VGLL3: variants seen among roughly 807,000 people sequenced by gnomAD.
VGLL3 encodes the protein vestigial like family member 3, also known as transcription cofactor vestigial-like protein 3.
Under a neutral mutation model 29.2 loss-of-function variants are expected in VGLL3, and 18 were observed. The observed-to-expected ratio is 0.62, with a 90% CI of 0.43 to 0.91. VGLL3 has a LOEUF of 0.91. Ranked by LOEUF, VGLL3 falls within the 40% of genes least tolerant of loss-of-function variation. The pLI is 0.00. For missense variants in VGLL3, 440 were observed against 413.2 expected, an observed-to-expected ratio of 1.06 and a Z score of -0.56; for synonymous variants, 180 against 151.8, an observed-to-expected ratio of 1.19 and a Z score of -1.36.
intron 3 of VGLL3, 108 bp downstream of exon 3, chr3:86,968,482 G>T: frequency 7.9e-7 from 1 of 1,258,714 alleles, no homozygotes; most frequent in Non-Finnish European, 1.1e-6. Flanking sequence ...TAAACATGTT[G>T]GTAAAGTTTA....
At position 86,946,625 on chromosome 3, in the gene VGLL3, A is replaced by G. The variant is rs1384866510; in HGVS notation, c.*399T>C. On this transcript the variant is annotated 3_prime_UTR_variant, in exon 4 of 4. Transcript: ENST00000398399. ...AAACCAAACTTTTTGTATTTCTACA[A>G]AAATAGATGCACATAGAGCTACAAA... 2 of 156,468 alleles carry G rather than the reference A, an allele frequency of 1.3e-5. No homozygotes were observed. The highest frequency in any genetic ancestry group is 2.4e-5 in the African/African-American group (1 of 41,668). The allele number at this position is 156,468 out of a possible 1,614,324, so 9.7% of individuals were successfully genotyped here.
chr3:86,980,039 T>G (rs558200334), intron 1 of VGLL3, among the ~76,000 whole-genome samples: 8 of 152,230 alleles, frequency 5.3e-5, no homozygotes, highest in Non-Finnish European at 1.2e-4. Flanking sequence ...AAGGAGATAA[T>G]GCTAAAGATA....
At chr3:86,976,204 T>C (rs557691671) in intron 2 of VGLL3, among the ~76,000 whole-genome samples, 3 of 152,212 alleles carry the variant, frequency 2.0e-5, no homozygotes, top group Non-Finnish European at 4.4e-5. Context: ...TCATTGAATA[T>C]TCTAAGCTCA....
Position 86,945,467 on chromosome 3 carries a change from A to C in VGLL3, c.*1557T>G, listed in dbSNP as rs1409754847. 2 of 152,110 alleles carry C rather than the reference A, an allele frequency of 1.3e-5. No homozygotes were observed. The highest frequency in any genetic ancestry group is 1.3e-4 in the Admixed American group (2 of 15,266). 9.4% of individuals were successfully genotyped at this position (152,110 alleles called of 1,614,324 possible). Reference sequence around the variant, plus strand: ...AAAAACCTCTTTATAAAGCTAAAAAACTTCTCTAATACACTAACTTTTTTA... The same window carrying C: ...AAAAACCTCTTTATAAAGCTAAAAACCTTCTCTAATACACTAACTTTTTTA... On this transcript the variant is annotated 3_prime_UTR_variant, in exon 4 of 4. Coordinates refer to ENST00000398399, the MANE Select transcript of VGLL3 (RefSeq NM_016206.4).
Position 86,939,350 on chromosome 3 carries a change from G to C in VGLL3, c.*7674C>G, listed in dbSNP as rs779982507. ...AGATGTAATTAAGAACCTTGAGCAT[G>C]GCGCAATGGCTTATGCCTGTAATCC... On this transcript the variant is annotated 3_prime_UTR_variant, in exon 4 of 4. Coordinates refer to ENST00000398399, the MANE Select transcript of VGLL3 (RefSeq NM_016206.4). 2.0e-5 allele frequency: 3 copies of C among 152,236 alleles called. No homozygotes were observed. Among genetic ancestry groups the C allele is most frequent in the Non-Finnish European group, 4.4e-5 (3 of 68,068 alleles). 9.4% of individuals were successfully genotyped at this position (152,236 alleles called of 1,614,324 possible).
intron 3 of VGLL3, among the ~76,000 whole-genome samples, chr3:86,964,039 C>G (rs1704910766): frequency 6.6e-6 from 1 of 152,180 alleles, no homozygotes; most frequent in Non-Finnish European, 1.5e-5. Flanking sequence ...AATTCAGCAT[C>G]ACCTGTTTAT....
intron 3 of VGLL3, among the ~76,000 whole-genome samples, chr3:86,947,317 T>G (rs1216495248): frequency 6.6e-6 from 1 of 152,196 alleles, no homozygotes; most frequent in Non-Finnish European, 1.5e-5. Flanking sequence ...ATACAAATTA[T>G]TTGCTATATT....
chr3:86,957,854 A>G (rs1276586942), intron 3 of VGLL3, among the ~76,000 whole-genome samples: 1 of 152,140 alleles, frequency 6.6e-6, no homozygotes, highest in Non-Finnish European at 1.5e-5. Context: ...AAATATGTAC[A>G]TAAATAAACA....
At chr3:86,974,512 A>C (rs1384978874) in intron 2 of VGLL3, among the ~76,000 whole-genome samples, 2 of 152,238 alleles carry the variant, frequency 1.3e-5, no homozygotes, top group Non-Finnish European at 2.9e-5. Flanking sequence ...CATTGTGCCA[A>C]GTAAAATACA....
intron 3 of VGLL3, among the ~76,000 whole-genome samples, chr3:86,963,727 A>G (rs1330746262): frequency 6.6e-6 from 1 of 152,214 alleles, no homozygotes; most frequent in Non-Finnish European, 1.5e-5. Context: ...TTTAATCTCA[A>G]AACAATCCTA....
At chr3:86,967,311 G>A (rs1417135365) in intron 3 of VGLL3, among the ~76,000 whole-genome samples, 2 of 152,122 alleles carry the variant, frequency 1.3e-5, no homozygotes, top group Non-Finnish European at 2.9e-5. Flanking sequence ...TATTTTGTTA[G>A]TATGTGGCAA....
At chr3:86,968,071 G>A (rs1055964309) in intron 3 of VGLL3, among the ~76,000 whole-genome samples, 3 of 152,114 alleles carry the variant, frequency 2.0e-5, no homozygotes, top group Admixed American at 6.6e-5. Flanking sequence ...CAGAGGAGGG[G>A]AGAGGAGGAA....
rs1038682100 is a variant in VGLL3 at position 86,945,546 on chromosome 3, C to T, written c.*1478G>A. ...AGAAATGAACTTTGCCTTTGAAGTC[C>T]AGCAGTATCAATAACTGTTACTTTC... On this transcript the variant is annotated 3_prime_UTR_variant, in exon 4 of 4. Coordinates refer to ENST00000398399, the MANE Select transcript of VGLL3 (RefSeq NM_016206.4). 4 of 152,108 alleles carry T rather than the reference C, an allele frequency of 2.6e-5. No individual in the cohort carries two copies. Among genetic ancestry groups the T allele is most frequent in the Non-Finnish European group, 5.9e-5 (4 of 67,994 alleles). 9.4% of individuals were successfully genotyped at this position (152,108 alleles called of 1,614,324 possible). A position where few individuals can be genotyped will look rare whatever the true frequency, so the allele number is the denominator to read the frequency against.
chr3:86,980,896 G>C (rs1459632478), intron 1 of VGLL3, among the ~76,000 whole-genome samples: 1 of 151,362 alleles, frequency 6.6e-6, no homozygotes, highest in Non-Finnish European at 1.5e-5. Flanking sequence ...TTGTCCACAA[G>C]TGTTCATTCT....
chr3:86,955,501 T>C (rs1163331642), intron 3 of VGLL3, among the ~76,000 whole-genome samples: 2 of 151,592 alleles, frequency 1.3e-5, no homozygotes, highest in African/African-American at 4.8e-5. Flanking sequence ...GCGATTCTCA[T>C]GCCTCAGCCT....
rs1475638550 is a variant in VGLL3, at chr3:86,940,523, A to G, written c.*6501T>C. 1.3e-5 allele frequency: 2 copies of G among 152,552 alleles called. No individual in the cohort carries two copies. The highest frequency in any genetic ancestry group is 2.9e-5 in the Non-Finnish European group (2 of 67,980). 9.4% of individuals were successfully genotyped at this position (152,552 alleles called of 1,614,324 possible). On this transcript the variant is annotated 3_prime_UTR_variant, in exon 4 of 4. Coordinates refer to ENST00000398399, the MANE Select transcript of VGLL3 (RefSeq NM_016206.4). ...AATTAATAACACCTAAGATGTTGTA[A>G]TTTCCAAAATATTTATAAGATGCTT... is the stretch of plus-strand genomic sequence containing the variant.
At chr3:86,976,320 A>G (rs1705210672) in intron 2 of VGLL3, among the ~76,000 whole-genome samples, 1 of 152,140 alleles carries the variant, frequency 6.6e-6, no homozygotes, top group African/African-American at 2.4e-5. Context: ...ATCTGCTCAA[A>G]CATAACTGTG....
At position 86,946,076 on chromosome 3, in the gene VGLL3, A is replaced by G. The variant is rs1004067018; in HGVS notation, c.*948T>C. On this transcript the variant is annotated 3_prime_UTR_variant, in exon 4 of 4. Coordinates refer to ENST00000398399, the MANE Select transcript of VGLL3 (RefSeq NM_016206.4). The stretch of plus-strand genomic sequence containing the variant: ...TAAGTCACTGGCACTCATAGGTGGC[A>G]TGGTTAAATGCATTTTTTTCCTTGT... The G allele has an allele frequency of 5.9e-5, 9 of 152,188 alleles. No individual in the cohort carries two copies. The highest frequency in any genetic ancestry group is 1.9e-4 in the African/African-American group (8 of 41,458). 9.4% of individuals were successfully genotyped at this position (152,188 alleles called of 1,614,324 possible).
At chr3:86,982,311 A>AT (rs1370484614) in intron 1 of VGLL3, among the ~76,000 whole-genome samples, 1 of 151,640 alleles carries the variant, frequency 6.6e-6, no homozygotes, top group Admixed American at 6.6e-5. Context: ...TGCCCAGCTA[A>AT]TTTTTTGTAT....
Sources: gnomAD v4.1 joint callset for allele counts (sites outside exome capture counted in the v4.1 genomes callset) on GRCh38, gnomAD v4.1.1 for gene constraint, MANE v1.5 for transcripts, NCBI Gene and HGNC (gene_info 2026-07-23, HGNC 2026-07-21) for gene names.